LAS1L: variants seen among roughly 807,000 people sequenced by gnomAD.
LAS1L encodes the protein ribosomal biogenesis protein LAS1L.
LAS1L carries 5 observed loss-of-function variants against 57.3 expected under a neutral mutation model. The ratio of observed to expected loss-of-function variants is 0.09; its 90% CI spans 0.05 to 0.18. LAS1L has a LOEUF of 0.18. LAS1L is among the 10% of genes least tolerant of loss of function. The probability of loss-of-function intolerance (pLI) is 1.00; values close to 1 mark genes in which losing one functional copy is unlikely to be tolerated. For missense variants in LAS1L, 360 were observed against 568.3 expected, an observed-to-expected ratio of 0.63 and a Z score of 3.73; for synonymous variants, 245 against 231.7, an observed-to-expected ratio of 1.06 and a Z score of -0.52.
intron 13 of LAS1L, among the ~76,000 whole-genome samples, chrX:65,513,930 C>T (rs1371241861): frequency 8.9e-6 from 1 of 112,521 alleles, no homozygotes; most frequent in Non-Finnish European, 1.9e-5. Flanking sequence ...CTCTCTTCTC[C>T]AAGAGGCCTG....
At chrX:65,519,653 G>T (rs1320994761) in intron 11 of LAS1L, among the ~76,000 whole-genome samples, 1 of 111,692 alleles carries the variant, frequency 9.0e-6, no homozygotes, top group Non-Finnish European at 1.9e-5. Flanking sequence ...GAGCTCGAGG[G>T]GAGAGGAGGG....
At chrX:65,513,018 CAA>C (rs2068501395) in intron 13 of LAS1L, 117 bp from the exon 14 acceptor site, 3 of 784,487 alleles carry the variant, frequency 3.8e-6, no homozygotes, top group Non-Finnish European at 5.3e-6. Context: ...CCTGGCTTTA[CAA>C]AGAGACTGGA....
In LAS1L at chrX:65,512,901, G is replaced by T. The variant is rs2068496643; in HGVS notation, c.2079C>A (p.Asp693Glu). ...CGACACCACAGCTCAGGCCCAAGGT[G>T]CTGAGGAGAGAGTGGGAGGTCAGTC... ...QRLEPSTCKTDTLGLSCGVGS... is the reference protein window; with the variant it reads ...QRLEPSTCKTETLGLSCGVGS... Residue 693 changes from aspartate (D) to glutamate (E), a missense_variant and splice_region_variant, in exon 14 of 14, where the codon GAC (aspartate) becomes GAA (glutamate). By Grantham distance (45) the Asp-to-Glu change is conservative (BLOSUM62 2). This residue lies in a region of LAS1L where 123 missense variants were observed against 168.3 expected (regional missense o/e 0.73). Transcript: ENST00000374811. The T allele has an allele frequency of 6.0e-6, 7 of 1,162,479 alleles. No homozygotes were observed. The highest frequency in any genetic ancestry group is 6.9e-6 in the Non-Finnish European group (6 of 869,982).
chrX:65,528,290 G>T lies in LAS1L; in HGVS notation c.926C>A (p.Ala309Glu). ...NPSPRVECVLAELKGVTCENR... is the reference protein window; with the variant it reads ...NPSPRVECVLEELKGVTCENR... The stretch of plus-strand genomic sequence containing the variant: ...CTCGCATGTAACGCCCTTGAGCTCT[G>T]CCAGGACACATTCTACACGTGGGGA... The change falls in exon 7 of 14, where the codon GCA becomes GAA. Residue 309 changes from alanine (A) to glutamate (E), a missense_variant. Ala to Glu is a moderately radical substitution (Grantham distance 107). This residue lies in a region of LAS1L where 81 missense variants were observed against 192.1 expected (regional missense o/e 0.42). Transcript: ENST00000374811. 1 of 1,202,566 alleles carries T rather than the reference G, an allele frequency of 8.3e-7. No homozygotes were observed. The highest frequency in any genetic ancestry group is 1.1e-6 in the Non-Finnish European group (1 of 889,078).
intron 12 of LAS1L, among the ~76,000 whole-genome samples, chrX:65,516,129 T>C (rs1398554735): frequency 9.0e-6 from 1 of 111,691 alleles, no homozygotes; most frequent in Non-Finnish European, 1.9e-5. Context: ...GCCCCTGGCA[T>C]TCTATAATGT....
chrX:65,514,534 G>GCACACACA (rs56718186), intron 13 of LAS1L, among the ~76,000 whole-genome samples: 7,953 of 88,714 alleles, frequency 0.09, 1,050 homozygotes, highest in African/African-American at 0.31. Context: ...GTGTGTGCCT[G>GCACACACA]CACACACACA....
Position 65,533,743 on chromosome X carries a change from G to T in LAS1L, c.237-8C>A. 1 of 1,210,410 alleles carries T rather than the reference G, an allele frequency of 8.3e-7. No homozygotes were observed. Among genetic ancestry groups the T allele is most frequent in the Non-Finnish European group, 1.1e-6 (1 of 894,643 alleles). ...GGGAGTTCGTTGCCTGACCTAAAGG[G>T]TCACAGTCCAGCACCATCATAAAGA... On this transcript the variant is annotated splice_region_variant and splice_polypyrimidine_tract_variant and intron_variant, in intron 1 of 13. Coordinates refer to ENST00000374811, the MANE Select transcript of LAS1L (RefSeq NM_031206.7).
intron 1 of LAS1L, 50 bp downstream of exon 1, chrX:65,534,430 G>A: frequency 1.0e-6 from 1 of 958,393 alleles, no homozygotes; most frequent in Non-Finnish European, 1.5e-6. Flanking sequence ...CAAAGGAAGA[G>A]GTGCAGCGCC....
chrX:65,531,327 C>T, intron 4 of LAS1L, 30 bp downstream of exon 4: 1 of 1,119,797 alleles, frequency 8.9e-7, no homozygotes, highest in Non-Finnish European at 1.2e-6. Context: ...CTGGGCTTAA[C>T]TGTGATAGGT....
At chrX:65,516,818 G>C (rs187803164) in intron 12 of LAS1L, among the ~76,000 whole-genome samples, 105 of 110,824 alleles carry the variant, frequency 9.5e-4, no homozygotes, top group African/African-American at 3.1e-3. Context: ...CACACACACA[G>C]AGAGACAGAC....
intron 11 of LAS1L, chrX:65,523,153 T>C (rs1019325518): frequency 8.3e-6 from 1 of 120,208 alleles, no homozygotes; most frequent in African/African-American, 3.2e-5. Context: ...AGGAAGGCAA[T>C]AGGGAGCAAC....
chrX:65,516,199 A>G (rs538280067), intron 12 of LAS1L, among the ~76,000 whole-genome samples: 2 of 110,745 alleles, frequency 1.8e-5, no homozygotes, highest in African/African-American at 6.6e-5. Flanking sequence ...CTGTTCCTCT[A>G]CTTGTCCATC....
intron 2 of LAS1L, 76 bp from the exon 3 acceptor site, chrX:65,532,706 C>T: frequency 4.3e-6 from 3 of 703,623 alleles, no homozygotes; most frequent in Non-Finnish European, 2.3e-6. Flanking sequence ...GTTACTGAAA[C>T]CCTGCATTTC....
rs1169695366 is a variant in LAS1L, at chrX:65,517,494, G to A, written c.1927+493C>T. 4.9e-4 allele frequency among the ~76,000 whole-genome samples: 54 copies of A among 109,406 alleles called. 1 individual carries two copies. Among genetic ancestry groups the A allele is most frequent in the African/African-American group, 1.5e-3 (45 of 30,086 alleles). On this transcript the variant is annotated intron_variant, in intron 12 of 13. Coordinates refer to ENST00000374811, the MANE Select transcript of LAS1L (RefSeq NM_031206.7). ...TCTCGATCTCCTGACCTCGTGATCC[G>A]CCCGCCTCGGCCTCCCAAAGTGCTG...
Position 65,534,708 on chromosome X carries a change from C to T in LAS1L, c.8G>A (p.Trp3Ter). The stretch of plus-strand genomic sequence containing the variant: ...TAGACCTGGCCCGGCCCCGGATTCC[C>T]ACGACATACTGAGCTCAACAACAGG... The part of the protein sequence containing the change: MS[W>*]ESGAGPGLGS... The change falls in exon 1 of 14, where the codon TGG becomes TAG. Residue 3 changes from tryptophan (W) to a stop codon, truncating the protein, a stop_gained. Coordinates refer to ENST00000374811, the MANE Select transcript of LAS1L (RefSeq NM_031206.7). LOFTEE classifies it high-confidence loss of function. 1 of 1,165,201 alleles carries T rather than the reference C, an allele frequency of 8.6e-7. No homozygotes were observed. The highest frequency in any genetic ancestry group is 1.9e-5 in the South Asian group (1 of 52,558).
chrX:65,517,405 G>C (rs1408346020), intron 12 of LAS1L, among the ~76,000 whole-genome samples: 1 of 109,786 alleles, frequency 9.1e-6, no homozygotes, highest in African/African-American at 3.3e-5. Context: ...CCGCCACCAC[G>C]CCCAGCTAAT....
chrX:65,524,270 G>A lies in LAS1L; in HGVS notation c.1094-8C>T, dbSNP rs1357989723. ...CATTCAAGTCCACGTTTTCTGGTTT[G>A]TAAGGGACACCCATTTGGGGGGGCA... On this transcript the variant is annotated splice_polypyrimidine_tract_variant and splice_region_variant and intron_variant, in intron 9 of 13. Coordinates refer to ENST00000374811, the MANE Select transcript of LAS1L (RefSeq NM_031206.7). The A allele has an allele frequency of 1.7e-6, 2 of 1,190,861 alleles. No homozygotes were observed. The highest frequency in any genetic ancestry group is 2.3e-6 in the Non-Finnish European group (2 of 879,187).
chrX:65,532,726 A>G, intron 2 of LAS1L, 96 bp from the exon 3 acceptor site: 1 of 591,045 alleles, frequency 1.7e-6, no homozygotes, highest in Middle Eastern at 3.1e-4. Context: ...CCACTTTTCC[A>G]CCGACTGTCC....
intron 11 of LAS1L, 34 bp from the exon 12 acceptor site, chrX:65,518,499 C>A: frequency 8.7e-7 from 1 of 1,150,900 alleles, no homozygotes; most frequent in Admixed American, 2.6e-5. Context: ...AGGAAAGATT[C>A]AAAATCTCAA....
Sources: allele counts gnomAD v4.1 joint callset (sites outside exome capture counted in the v4.1 genomes callset), GRCh38; gene constraint gnomAD v4.1.1; regional missense constraint gnomAD v4.1.1; transcripts MANE v1.5; gene names NCBI Gene and HGNC (gene_info 2026-07-23, HGNC 2026-07-21).